NIN: variants seen among roughly 807,000 people sequenced by gnomAD.
The protein encoded by NIN is glycogen synthase kinase 3 beta-interacting protein.
NIN carries 137 observed loss-of-function variants against 257.6 expected under a neutral mutation model. The observed-to-expected ratio is 0.53, with a 90% confidence interval of 0.46 to 0.61. The LOEUF is 0.61. Ranked by LOEUF, NIN falls within the 20% of genes least tolerant of loss-of-function variation. The pLI is 0.00. For synonymous variants in NIN, 918 were observed against 919.8 expected (o/e 1.00, Z 0.04); for missense variants, 2,439 against 2,501.2 (o/e 0.98, Z 0.53).
At chr14:50,806,695 C>T (rs1206965682) in intron 4 of NIN, 42 bp downstream of exon 4, 1 of 1,137,288 alleles carries the variant, frequency 8.8e-7, no homozygotes. Context: ...CCCCGGACAA[C>T]TTTTAAAGGG....
intron 25 of NIN, 21 bp from the exon 26 acceptor site, chr14:50,739,508 T>G: frequency 6.2e-7 from 1 of 1,608,818 alleles, no homozygotes; most frequent in Non-Finnish European, 8.5e-7. Flanking sequence ...TTGCAGAGTG[T>G]AAGCCTTAAA....
rs913267584 is a variant in NIN, at chr14:50,772,591, A to C, written c.814-123T>G. ...CTCTAATATACAGTGCCAGGAAAAA[A>C]GTCATGCAGCCTCTCTGATCTCTGT... On this transcript the variant is annotated intron_variant, in intron 8 of 30. Transcript: ENST00000530997. The C allele has an allele frequency of 6.1e-6, 5 of 825,750 alleles. No individual in the cohort carries two copies. The African/African-American group carries it at 8.5e-5, about 14-fold the overall frequency. 51.2% of individuals were successfully genotyped at this position (825,750 alleles called of 1,614,324 possible).
In NIN at chr14:50,830,054, C is replaced by T. The variant is rs184100895; in HGVS notation, c.-22+410G>A. On this transcript the variant is annotated intron_variant, in intron 2 of 30. Transcript: ENST00000530997. ...CCTCCAAAAATCTCCACTTTCCGGG[C>T]TCCAAGCAGCTCTCCGCTACTCAGA... Among the ~76,000 whole-genome samples the T allele has an allele frequency of 5.2e-5, 8 of 152,388 alleles. No homozygotes were observed. The East Asian group carries it at 1.5e-3, about 29-fold the overall frequency.
At chr14:50,815,145 G>T (rs1303485652) in intron 3 of NIN, among the ~76,000 whole-genome samples, 1 of 152,074 alleles carries the variant, frequency 6.6e-6, no homozygotes, top group Non-Finnish European at 1.5e-5. Flanking sequence ...CTATCCATCT[G>T]ACAAAGGTCT....
At chr14:50,779,628 G>C (rs1223917919) in intron 5 of NIN, among the ~76,000 whole-genome samples, 1 of 152,116 alleles carries the variant, frequency 6.6e-6, no homozygotes, top group Non-Finnish European at 1.5e-5. Flanking sequence ...CGAGGTGGCG[G>C]GTGCCTGTAG....
chr14:50,785,622 G>A (rs2043313939), intron 5 of NIN, among the ~76,000 whole-genome samples: 1 of 152,220 alleles, frequency 6.6e-6, no homozygotes, highest in Non-Finnish European at 1.5e-5. Context: ...GCTAAGCACA[G>A]GAAGTCTCTG....
intron 29 of NIN, 142 bp downstream of exon 29, chr14:50,729,381 C>T (rs1025773316): frequency 1.6e-5 from 12 of 733,412 alleles, no homozygotes; most frequent in East Asian, 8.6e-5. Flanking sequence ...GCGATCCTCC[C>T]GTCTCAGCCT....
chr14:50,799,407 A>G (rs1454677425), intron 4 of NIN, among the ~76,000 whole-genome samples: 1 of 152,182 alleles, frequency 6.6e-6, no homozygotes, highest in Non-Finnish European at 1.5e-5. Flanking sequence ...TCCAGCATCA[A>G]GCAACCATGG....
chr14:50,749,231 A>G (rs2041685495), intron 21 of NIN, among the ~76,000 whole-genome samples: 1 of 152,214 alleles, frequency 6.6e-6, no homozygotes, highest in Admixed American at 6.5e-5. Flanking sequence ...TATTTAATAA[A>G]TGGTGTTGGG....
At chr14:50,739,577 G>A (rs914757006) in intron 25 of NIN, 90 bp from the exon 26 acceptor site, 65 of 1,185,706 alleles carry the variant, frequency 5.5e-5, no homozygotes, top group Non-Finnish European at 7.4e-5. Flanking sequence ...CAATGACAAC[G>A]ACTCCTAATA....
intron 4 of NIN, among the ~76,000 whole-genome samples, chr14:50,804,670 C>A (rs1331254083): frequency 1.3e-5 from 2 of 152,168 alleles, no homozygotes; most frequent in Non-Finnish European, 2.9e-5. Context: ...TGGCTGGGAC[C>A]AAGCTCAACC....
chr14:50,731,438 G>A (rs575068930), intron 28 of NIN, among the ~76,000 whole-genome samples: 14 of 151,500 alleles, frequency 9.2e-5, no homozygotes, highest in East Asian at 7.8e-4. Flanking sequence ...GGCTAAGGGC[G>A]GAGAATTGCT....
chr14:50,789,433 C>A (rs1337449942), intron 5 of NIN, among the ~76,000 whole-genome samples: 1 of 152,124 alleles, frequency 6.6e-6, no homozygotes, highest in Non-Finnish European at 1.5e-5. Flanking sequence ...ATTAGCCAGG[C>A]ATGGTGGCAT....
At position 50,755,026 on chromosome 14, in the gene NIN, T is replaced by C. The variant is rs200237874; in HGVS notation, c.4539-159A>G. On this transcript the variant is annotated intron_variant, in intron 18 of 30. Coordinates refer to ENST00000530997, the MANE Select transcript of NIN (RefSeq NM_020921.4). ...AGTATTTGGAAATCGAGTTATGACA[T>C]ATTGACACATTTCTTTTGGGAAGTA... Among the ~76,000 whole-genome samples, 11 of 152,366 alleles carry C rather than the reference T, an allele frequency of 7.2e-5. No individual in the cohort carries two copies. The East Asian group carries it at 1.7e-3, about 24-fold the overall frequency.
At chr14:50,730,325 T>G (rs2040628137) in intron 28 of NIN, among the ~76,000 whole-genome samples, 2 of 152,084 alleles carry the variant, frequency 1.3e-5, no homozygotes, top group Admixed American at 6.6e-5. Flanking sequence ...CTGGAGAACA[T>G]GGAATGGAAG....
At chr14:50,816,480 G>A (rs1286834792) in intron 3 of NIN, among the ~76,000 whole-genome samples, 1 of 152,220 alleles carries the variant, frequency 6.6e-6, no homozygotes, top group Non-Finnish European at 1.5e-5. Flanking sequence ...TGTTTGGGGA[G>A]CAGGGTGAGG....
chr14:50,772,534 A>G, intron 8 of NIN, 66 bp from the exon 9 acceptor site: 2 of 1,446,268 alleles, frequency 1.4e-6, no homozygotes, highest in Non-Finnish European at 1.9e-6. Flanking sequence ...GATATTGGTC[A>G]GCCCTGACCA....
intron 4 of NIN, chr14:50,794,587 T>G (rs2043752027): frequency 2.4e-6 from 1 of 418,886 alleles, no homozygotes; most frequent in Non-Finnish European, 3.2e-6. Context: ...TAAATTTTGG[T>G]GGCAGACAAC....
Position 50,823,390 on chromosome 14 carries a change from T to C in NIN, c.-21-1313A>G, listed in dbSNP as rs1481116492. 3 of 480,364 alleles carry C rather than the reference T, an allele frequency of 6.2e-6. No homozygotes were observed. The East Asian group carries it at 1.3e-4, about 21-fold the overall frequency. 29.8% of individuals were successfully genotyped at this position (480,364 alleles called of 1,614,324 possible). A position where few individuals can be genotyped will look rare whatever the true frequency, so the allele number is the denominator to read the frequency against. ...CCAAGCATCTTTAATCCAAGCCAAA[T>C]TACAGAACTCTCTAACTTAGAGGTG... On this transcript the variant is annotated intron_variant, in intron 2 of 30. Transcript: ENST00000530997.
Sources: allele counts gnomAD v4.1 joint callset (sites outside exome capture counted in the v4.1 genomes callset), GRCh38; gene constraint gnomAD v4.1.1; transcripts MANE v1.5; gene names NCBI Gene and HGNC (gene_info 2026-07-23, HGNC 2026-07-21).